Variants in SEMA3A observed in about 807,000 individuals in gnomAD.
The protein encoded by SEMA3A is semaphorin-3A.
SEMA3A carries 29 observed loss-of-function variants against 97.9 expected under a neutral mutation model. The observed-to-expected ratio is 0.30, with a 90% CI of 0.22 to 0.40. The LOEUF (loss-of-function observed/expected upper bound fraction) is 0.40, where lower values mean the gene tolerates loss of function less well. Among genes scored for constraint, SEMA3A ranks in the 10% least tolerant of loss-of-function variants. The pLI is 1.00. For synonymous variants in SEMA3A, 321 were observed against 323.7 expected (o/e 0.99, Z 0.09); for missense variants, 763 against 951.3 (o/e 0.80, Z 2.60).
intron 1 of SEMA3A, among the ~76,000 whole-genome samples, chr7:84,160,085 C>CA (rs913907982): frequency 3.9e-5 from 6 of 151,990 alleles, no homozygotes; most frequent in African/African-American, 1.5e-4. Flanking sequence ...TCTGAGGTAT[C>CA]AAAAACTCAG....
In SEMA3A at chr7:84,445,526, GA is replaced by G. The variant is rs201998875; in HGVS notation, c.-246+46933del. 0.015 allele frequency among the ~76,000 whole-genome samples: 1,404 copies of G among 92,640 alleles called. 75 individuals are homozygous for G. In the East Asian group the frequency reaches 0.16, roughly 10 times the overall value. 60.8% of individuals were successfully genotyped at this position (92,640 alleles called of 152,430 possible). On this transcript the variant is annotated intron_variant, in intron 1 of 3. Coordinates refer to the SEMA3A transcript ENST00000424555. ...AAAAAAAAAAAAAAAAAAAAGAAAA[GA>G]AAAGAAAAGAAGAGAAAAGAAAGAA...
At chr7:84,033,555 T>G (rs1442508026) in intron 6 of SEMA3A, among the ~76,000 whole-genome samples, 6 of 152,124 alleles carry the variant, frequency 3.9e-5, no homozygotes, top group African/African-American at 1.4e-4. Context: ...TTGAATTAGA[T>G]CACAAATGAG....
Position 84,058,553 on chromosome 7 carries a change from G to A in SEMA3A, c.547+1912C>T, listed in dbSNP as rs138734320. On this transcript the variant is annotated intron_variant, in intron 5 of 16. Coordinates refer to ENST00000265362, the MANE Select transcript of SEMA3A (RefSeq NM_006080.3). ...GTTTCAGCTCTTGAATTAAAATGGC[G>A]TTTCAGGTATTTTGAAGGATTTTGC... Among the ~76,000 whole-genome samples, 728 of 152,196 alleles carry A rather than the reference G, an allele frequency of 4.8e-3. 7 individuals are homozygous for A. The highest frequency in any genetic ancestry group is 7.5e-3 in the Non-Finnish European group (512 of 67,998).
chr7:84,340,074 T>C (rs973863394), intron 2 of SEMA3A, among the ~76,000 whole-genome samples: 1 of 152,090 alleles, frequency 6.6e-6, no homozygotes, highest in Admixed American at 6.5e-5. Flanking sequence ...TTTGTAAAAT[T>C]ACCATACTGT....
intron 6 of SEMA3A, among the ~76,000 whole-genome samples, chr7:84,038,642 C>A (rs1460299981): frequency 6.6e-6 from 1 of 151,698 alleles, no homozygotes; most frequent in South Asian, 2.1e-4. Context: ...TAGTTGATGA[C>A]CCCTCATGAA....
At chr7:84,342,522 G>T (rs1802194451) in intron 2 of SEMA3A, among the ~76,000 whole-genome samples, 1 of 152,082 alleles carries the variant, frequency 6.6e-6, no homozygotes, top group Non-Finnish European at 1.5e-5. Context: ...TCAAGTAAAT[G>T]AACATTTCAG....
Position 84,307,659 on chromosome 7 carries a change from T to C in SEMA3A, c.-168-367A>G, listed in dbSNP as rs113185005. On this transcript the variant is annotated intron_variant, in intron 2 of 3. Coordinates refer to the SEMA3A transcript ENST00000424555. ...GCCCATAATACTATGATGTCATTAATATTTTTCACCACTGGTGATGAAAGG... is the reference window on the plus strand; with the variant it reads ...GCCCATAATACTATGATGTCATTAACATTTTTCACCACTGGTGATGAAAGG... Among the ~76,000 whole-genome samples, 5 of 152,302 alleles carry C rather than the reference T, an allele frequency of 3.3e-5. 1 individual carries two copies. Among genetic ancestry groups the C allele is most frequent in the African/African-American group, 1.2e-4 (5 of 41,584 alleles).
intron 3 of SEMA3A, among the ~76,000 whole-genome samples, chr7:84,122,945 A>T (rs183690213): frequency 1.6e-4 from 24 of 152,330 alleles, no homozygotes; most frequent in Admixed American, 4.6e-4. Context: ...CAACACTTTG[A>T]AATGTATCCA....
intron 3 of SEMA3A, among the ~76,000 whole-genome samples, chr7:84,255,774 A>G (rs529400699): frequency 6.6e-6 from 1 of 152,120 alleles, no homozygotes; most frequent in South Asian, 2.1e-4. Context: ...ACTTCCAAAA[A>G]TAAAAACAGA....
upstream of SEMA3A, among the ~76,000 whole-genome samples, chr7:84,196,136 C>G (rs536180974): frequency 3.3e-5 from 5 of 152,134 alleles, no homozygotes; most frequent in African/African-American, 1.2e-4. Flanking sequence ...CCCCACCCCC[C>G]ACCTCCAGAA....
upstream of SEMA3A, among the ~76,000 whole-genome samples, chr7:84,197,445 A>G (rs1798257880): frequency 6.6e-6 from 1 of 152,214 alleles, no homozygotes; most frequent in Non-Finnish European, 1.5e-5. Flanking sequence ...AATGTTAAAT[A>G]AAAAATGAAA....
At chr7:84,316,668 T>G (rs1289219844) in intron 2 of SEMA3A, among the ~76,000 whole-genome samples, 1 of 152,186 alleles carries the variant, frequency 6.6e-6, no homozygotes, top group East Asian at 1.9e-4. Context: ...CTCCTGTTAC[T>G]TGATGATATT....
intron 15 of SEMA3A, among the ~76,000 whole-genome samples, chr7:83,971,414 A>G (rs2116285839): frequency 6.8e-6 from 1 of 146,956 alleles, no homozygotes; most frequent in East Asian, 2.2e-4. Context: ...CTTGGGCAAT[A>G]AGAGCGAAAC....
intron 1 of SEMA3A, among the ~76,000 whole-genome samples, chr7:84,490,199 C>CAAAA (rs35030948): frequency 6.6e-4 from 67 of 100,992 alleles, no homozygotes; most frequent in African/African-American, 1.5e-3. Flanking sequence ...GCTTTTCCAG[C>CAAAA]AAAAAAAAAA....
intron 3 of SEMA3A, among the ~76,000 whole-genome samples, chr7:84,269,399 T>C (rs1048090086): frequency 6.6e-6 from 1 of 152,076 alleles, no homozygotes; most frequent in Non-Finnish European, 1.5e-5. Flanking sequence ...AACTGGGCCA[T>C]GTGAACTGAT....
chr7:84,017,429 A>C lies in SEMA3A; in HGVS notation c.668-3078T>G, dbSNP rs374867671. 4.9e-4 allele frequency among the ~76,000 whole-genome samples: 75 copies of C among 152,320 alleles called. 1 individual carries two copies. In the East Asian group the frequency reaches 8.9e-3, roughly 18 times the overall value. ...TCATCTAGTTTCAGGTACAGCCAAA[A>C]AATAGAAGTATGCACAGAAAATGAA... On this transcript the variant is annotated intron_variant, in intron 6 of 16. Transcript: ENST00000265362.
At chr7:83,984,112 A>G (rs1463053751) in intron 13 of SEMA3A, among the ~76,000 whole-genome samples, 2 of 152,188 alleles carry the variant, frequency 1.3e-5, no homozygotes, top group African/African-American at 2.4e-5. Flanking sequence ...TTAAAAATGT[A>G]AAACAGAAAG....
intron 9 of SEMA3A, among the ~76,000 whole-genome samples, chr7:84,010,738 A>T (rs200650031): frequency 1.6e-4 from 5 of 32,190 alleles, no homozygotes. Flanking sequence ...ACATTATTAT[A>T]ATAATGTAAA....
rs182376428 is a variant in SEMA3A at position 84,050,350 on chromosome 7, C to G, written c.548-3907G>C. ...ACGGTGTAAAAGTGTTCCTATTTCT[C>G]CACATGCTCTCCAGCACCTGTTGTT... is the stretch of plus-strand genomic sequence containing the variant. On this transcript the variant is annotated intron_variant, in intron 5 of 16. Coordinates refer to ENST00000265362, the MANE Select transcript of SEMA3A (RefSeq NM_006080.3). Among the ~76,000 whole-genome samples the G allele has an allele frequency of 3.4e-3, 521 of 152,272 alleles. 4 individuals carry two copies. Among genetic ancestry groups the G allele is most frequent in the Middle Eastern group, 0.031 (9 of 294 alleles).
Sources: gnomAD v4.1 joint callset for allele counts (sites outside exome capture counted in the v4.1 genomes callset) on GRCh38, gnomAD v4.1.1 for gene constraint, MANE v1.5 for transcripts, NCBI Gene and HGNC (gene_info 2026-07-23, HGNC 2026-07-21) for gene names.